The following BORCS5 variants were observed in gnomAD, a reference collection of about 807,000 sequenced individuals.
The protein encoded by BORCS5 is BLOC-1 related complex subunit 5, also known as BLOC-1-related complex subunit 5.
In BORCS5, 17 loss-of-function variants were observed where a neutral mutation model predicts 22.1. The ratio of observed to expected loss-of-function variants is 0.77; its 90% CI spans 0.53 to 1.15. The LOEUF (loss-of-function observed/expected upper bound fraction) is 1.15. BORCS5 is among the 50% of genes most tolerant of loss of function. The pLI, the probability that BORCS5 is intolerant of heterozygous loss-of-function variation, is 0.00. For missense variants in BORCS5, 247 were observed against 253.2 expected (o/e 0.98, Z 0.17); for synonymous variants, 117 against 99.8 (o/e 1.17, Z -1.03).
intron 2 of BORCS5, among the ~76,000 whole-genome samples, chr12:12,422,358 A>C (rs942611629): frequency 1.3e-5 from 2 of 151,048 alleles, no homozygotes; most frequent in Admixed American, 1.3e-4. Context: ...TCACGCATGT[A>C]ACTCCAGCAC....
In BORCS5 at chr12:12,414,663, C is replaced by T. The variant is rs1385868139; in HGVS notation, c.203-20965C>T. Among the ~76,000 whole-genome samples, 527 of 93,152 alleles carry T rather than the reference C, an allele frequency of 5.7e-3. 20 individuals carry two copies. Among genetic ancestry groups the T allele is most frequent in the African/African-American group, 0.025 (483 of 19,658 alleles). The allele number at this position is 93,152 out of a possible 152,430, so 61.1% of individuals were successfully genotyped here. The stretch of plus-strand genomic sequence containing the variant: ...GCAGAGGAGCCCCTCACCTCCCGGA[C>T]GGGGCGGCTGGCCGGGCGGGGGGCT... On this transcript the variant is annotated intron_variant, in intron 2 of 3. Coordinates refer to ENST00000314565, the MANE Select transcript of BORCS5 (RefSeq NM_058169.6).
Position 12,389,191 on chromosome 12 carries a change from G to A in BORCS5, c.202+27842G>A, listed in dbSNP as rs149852083. On this transcript the variant is annotated intron_variant, in intron 2 of 3. Coordinates refer to ENST00000314565, the MANE Select transcript of BORCS5 (RefSeq NM_058169.6). ...TCATTCTTGTCGCCCAGGCTGGAGG[G>A]CAATGGTGCGATCTCGGCTTACTGC... Among the ~76,000 whole-genome samples, 362 of 148,096 alleles carry A rather than the reference G, an allele frequency of 2.4e-3. 8 individuals carry two copies. The highest frequency in any genetic ancestry group is 8.3e-3 in the African/African-American group (332 of 39,996).
intron 2 of BORCS5, among the ~76,000 whole-genome samples, chr12:12,425,384 A>C (rs965070906): frequency 3.3e-5 from 5 of 151,742 alleles, no homozygotes; most frequent in Non-Finnish European, 7.4e-5. Context: ...GTCTTCCCCA[A>C]ATTCCCTTTT....
In BORCS5 at chr12:12,448,461, C is replaced by T. The variant is rs558990811; in HGVS notation, c.360+12676C>T. Among the ~76,000 whole-genome samples the T allele has an allele frequency of 3.2e-3, 489 of 151,732 alleles. 2 individuals are homozygous for T. The highest frequency in any genetic ancestry group is 0.011 in the African/African-American group (458 of 41,374). Reference sequence around the variant, plus strand: ...AACTCCTGACCTCAGTTGATCTGCCCGCCTTGGCCTCCCAAGGTACTGGGA... The same window carrying T: ...AACTCCTGACCTCAGTTGATCTGCCTGCCTTGGCCTCCCAAGGTACTGGGA... On this transcript the variant is annotated intron_variant, in intron 3 of 3. Transcript: ENST00000314565.
At position 12,470,852 on chromosome 12, in the gene BORCS5, G is replaced by A. The variant is rs1943286982; in HGVS notation, c.*5076G>A. 1.3e-5 allele frequency among the ~76,000 whole-genome samples: 2 copies of A among 152,092 alleles called. No individual in the cohort carries two copies. Among genetic ancestry groups the A allele is most frequent in the Non-Finnish European group, 2.9e-5 (2 of 68,012 alleles). ...GTTATGCTGGTGTGTGCGTGTCCATGCCTCCGGGATTTTTCCAGGGTTATC... is the reference window on the plus strand; with the variant it reads ...GTTATGCTGGTGTGTGCGTGTCCATACCTCCGGGATTTTTCCAGGGTTATC... On this transcript the variant is annotated 3_prime_UTR_variant, in exon 4 of 4. Coordinates refer to ENST00000314565, the MANE Select transcript of BORCS5 (RefSeq NM_058169.6).
At chr12:12,393,250 A>C (rs1041485351) in intron 2 of BORCS5, among the ~76,000 whole-genome samples, 4 of 151,914 alleles carry the variant, frequency 2.6e-5, no homozygotes, top group African/African-American at 9.7e-5. Context: ...AATAATAATA[A>C]GACAAGGTTT....
intron 2 of BORCS5, among the ~76,000 whole-genome samples, chr12:12,365,498 A>G (rs148195507): frequency 1.3e-5 from 2 of 152,146 alleles, no homozygotes; most frequent in African/African-American, 2.4e-5. Flanking sequence ...AAAAAATACT[A>G]TAGAAAATAG....
chr12:12,368,538 G>C (rs531547414), intron 2 of BORCS5, among the ~76,000 whole-genome samples: 2 of 151,496 alleles, frequency 1.3e-5, no homozygotes, highest in African/African-American at 4.9e-5. Flanking sequence ...TTGACCTCCC[G>C]GGCACAAATG....
chr12:12,391,453 T>C lies in BORCS5; in HGVS notation c.202+30104T>C, dbSNP rs1177770896. 3.3e-5 allele frequency among the ~76,000 whole-genome samples: 5 copies of C among 151,594 alleles called. No individual in the cohort carries two copies. In the East Asian group the frequency reaches 9.8e-4, roughly 30 times the overall value. ...TAGGCTGGAGTGCAGTGGCATGATC[T>C]CGGCTCACTTCAACCTCCACCACCT... On this transcript the variant is annotated intron_variant, in intron 2 of 3. Transcript: ENST00000314565.
chr12:12,440,989 G>A (rs1258687220), intron 3 of BORCS5, among the ~76,000 whole-genome samples: 1 of 152,168 alleles, frequency 6.6e-6, no homozygotes. Context: ...GGATGAGGGG[G>A]AAGAGGCAGA....
At chr12:12,459,486 A>G (rs1943062438) in intron 3 of BORCS5, among the ~76,000 whole-genome samples, 1 of 150,622 alleles carries the variant, frequency 6.6e-6, no homozygotes. Flanking sequence ...AATGTTTTGT[A>G]TTTAGTAGAG....
At chr12:12,367,726 ATC>A (rs1208449582) in intron 2 of BORCS5, among the ~76,000 whole-genome samples, 1 of 152,180 alleles carries the variant, frequency 6.6e-6, no homozygotes, top group Non-Finnish European at 1.5e-5. Flanking sequence ...ACTCCCATAA[ATC>A]TCTGTGTGCC....
intron 2 of BORCS5, among the ~76,000 whole-genome samples, chr12:12,407,582 A>C (rs1420898979): frequency 1.3e-5 from 2 of 151,964 alleles, no homozygotes; most frequent in African/African-American, 4.8e-5. Context: ...ATGACCTTCC[A>C]TCTCCGGAAC....
chr12:12,465,462 G>C, intron 3 of BORCS5, 84 bp from the exon 4 acceptor site: 4 of 1,190,754 alleles, frequency 3.4e-6, no homozygotes, highest in Non-Finnish European at 4.9e-6. Context: ...CTGCGGGACT[G>C]TGTCCCTCAC....
At chr12:12,406,602 G>T (rs1309100794) in intron 2 of BORCS5, among the ~76,000 whole-genome samples, 1 of 150,644 alleles carries the variant, frequency 6.6e-6, no homozygotes, top group Non-Finnish European at 1.5e-5. Context: ...TGGACCTATG[G>T]TTTATCTTGC....
intron 2 of BORCS5, among the ~76,000 whole-genome samples, chr12:12,365,865 C>T (rs1030071742): frequency 6.6e-6 from 1 of 152,128 alleles, no homozygotes; most frequent in African/African-American, 2.4e-5. Flanking sequence ...AAGATTGCAT[C>T]AGGACATAGA....
At chr12:12,408,995 T>C (rs910251391) in intron 2 of BORCS5, among the ~76,000 whole-genome samples, 2 of 152,130 alleles carry the variant, frequency 1.3e-5, no homozygotes, top group Admixed American at 1.3e-4. Flanking sequence ...TTACATTTAA[T>C]TTTTTGAGGA....
In BORCS5 at chr12:12,471,209, TACA is replaced by T. The variant is rs1943293976; in HGVS notation, c.*5438_*5440del. Among the ~76,000 whole-genome samples, 2 of 152,290 alleles carry T rather than the reference TACA, an allele frequency of 1.3e-5. No individual in the cohort carries two copies. Among genetic ancestry groups the T allele is most frequent in the South Asian group, 4.1e-4 (2 of 4,824 alleles). ...CATATTGCTGTCTCTGCAAATAAAG[TACA>T]ACAATATGACTGACTTGTAAATATC... On this transcript the variant is annotated 3_prime_UTR_variant, in exon 4 of 4. Transcript: ENST00000314565.
chr12:12,422,851 A>C (rs1344147379), intron 2 of BORCS5, among the ~76,000 whole-genome samples: 2 of 152,136 alleles, frequency 1.3e-5, no homozygotes, highest in Non-Finnish European at 2.9e-5. Flanking sequence ...AGTTACAATA[A>C]CATTAGCTTT....
Sources: allele counts gnomAD v4.1 joint callset (sites outside exome capture counted in the v4.1 genomes callset), GRCh38; gene constraint gnomAD v4.1.1; transcripts MANE v1.5; gene names NCBI Gene and HGNC (gene_info 2026-07-23, HGNC 2026-07-21).